GRAMD1C: variants seen among roughly 807,000 people sequenced by gnomAD.
The protein encoded by GRAMD1C is protein Aster-C.
A neutral mutation model predicts 97.8 loss-of-function variants in GRAMD1C; 89 were observed. The ratio of observed to expected loss-of-function variants is 0.91; its 90% CI spans 0.77 to 1.09. The LOEUF (loss-of-function observed/expected upper bound fraction) is 1.09. Among genes scored for constraint, GRAMD1C ranks in the 50% least tolerant of loss-of-function variants. GRAMD1C has a pLI of 0.00. For missense variants in GRAMD1C, 740 were observed against 766.4 expected (o/e 0.97, Z 0.41); for synonymous variants, 256 against 267.0 (o/e 0.96, Z 0.40).
At chr3:113,875,913 C>G (rs192214294) in intron 4 of GRAMD1C, 6 of 420,568 alleles carry the variant, frequency 1.4e-5, no homozygotes, top group Non-Finnish European at 2.5e-5. Context: ...GCATGAACAC[C>G]CACATGTCTT....
intron 3 of GRAMD1C, among the ~76,000 whole-genome samples, chr3:113,872,764 G>A (rs1213314283): frequency 6.6e-6 from 1 of 151,198 alleles, no homozygotes; most frequent in Admixed American, 6.6e-5. Flanking sequence ...ATCCATTTTA[G>A]GGAGTCCATT....
chr3:113,833,828 T>C (rs1357886015), upstream of GRAMD1C, among the ~76,000 whole-genome samples: 2 of 152,206 alleles, frequency 1.3e-5, no homozygotes, highest in Non-Finnish European at 2.9e-5. Context: ...CTGACAGCTC[T>C]TGCCACCTTT....
intron 2 of GRAMD1C, among the ~76,000 whole-genome samples, chr3:113,856,683 G>A (rs1336122168): frequency 6.6e-6 from 1 of 152,040 alleles, no homozygotes; most frequent in Non-Finnish European, 1.5e-5. Context: ...GGGATTACAG[G>A]CGCGTGCCAC....
chr3:113,938,119 C>A lies in GRAMD1C; in HGVS notation c.1667C>A (p.Thr556Asn). ...AAGGAAATGGAAAACTATAACGTCA[C>A]TCTTATTGTGGTAATGAGTATTTTG... ...KKKEMENYNVTLIVVMSIFVL... is the reference protein window; with the variant it reads ...KKKEMENYNVNLIVVMSIFVL... The change falls in exon 15 of 18, where the codon ACT becomes AAT. Residue 556 changes from threonine to asparagine, a missense_variant. Transcript: ENST00000358160. The A allele has an allele frequency of 6.5e-7, 1 of 1,530,398 alleles. No homozygotes were observed. Among genetic ancestry groups the A allele is most frequent in the Non-Finnish European group, 8.9e-7 (1 of 1,120,772 alleles). The allele number at this position is 1,530,398 out of a possible 1,614,324, so 94.8% of individuals were successfully genotyped here.
intron 9 of GRAMD1C, among the ~76,000 whole-genome samples, chr3:113,915,076 G>GA (rs1319250664): frequency 6.6e-6 from 1 of 152,092 alleles, no homozygotes; most frequent in Non-Finnish European, 1.5e-5. Context: ...CAAATTCCCA[G>GA]AAAAAATGTA....
chr3:113,891,862 G>A (rs1007985288), intron 6 of GRAMD1C, among the ~76,000 whole-genome samples: 8 of 151,850 alleles, frequency 5.3e-5, no homozygotes, highest in African/African-American at 1.5e-4. Context: ...ACTCCAGCCT[G>A]GTTGACAGAG....
intron 10 of GRAMD1C, among the ~76,000 whole-genome samples, chr3:113,920,885 T>C (rs1371907513): frequency 1.3e-5 from 2 of 152,180 alleles, no homozygotes; most frequent in Non-Finnish European, 2.9e-5. Context: ...TAAATCATTG[T>C]TTACAGTTAT....
rs144513077 is a variant in GRAMD1C, at chr3:113,907,832, A to G, written c.790-1126A>G. On this transcript the variant is annotated intron_variant, in intron 8 of 17. Transcript: ENST00000358160. ...AGGAAATAGAACTTAATTTGCAACA[A>G]GAGGAGACGTGTAAGTGTGGAGCTG... Among the ~76,000 whole-genome samples, 1,443 of 152,298 alleles carry G rather than the reference A, an allele frequency of 9.5e-3. 28 individuals are homozygous for G. The highest frequency in any genetic ancestry group is 0.041 in the Admixed American group (626 of 15,284).
intron 1 of GRAMD1C, among the ~76,000 whole-genome samples, chr3:113,831,738 T>C (rs1206768544): frequency 2.0e-5 from 3 of 150,800 alleles, no homozygotes; most frequent in African/African-American, 7.3e-5. Flanking sequence ...ATTTCAGTTA[T>C]TGTATTTTTC....
chr3:113,892,303 C>T (rs1935763335), intron 6 of GRAMD1C, among the ~76,000 whole-genome samples: 1 of 151,976 alleles, frequency 6.6e-6, no homozygotes, highest in Non-Finnish European at 1.5e-5. Context: ...GAAACCCTGT[C>T]TCTACTAAAA....
Position 113,936,265 on chromosome 3 carries a change from G to A in GRAMD1C, c.1457-1G>A. ...ATAAAGATTGTTTTTTTTTTTCTTA[G>A]AATCAGATTTGTTAATTGAAGAATC... On this transcript the variant is annotated splice_acceptor_variant, in intron 13 of 17. Transcript: ENST00000358160. LOFTEE classifies it high-confidence loss of function. 1.3e-6 allele frequency: 2 copies of A among 1,498,236 alleles called. No homozygotes were observed. Among genetic ancestry groups the A allele is most frequent in the Non-Finnish European group, 1.8e-6 (2 of 1,095,452 alleles). The allele number at this position is 1,498,236 out of a possible 1,614,324, so 92.8% of individuals were successfully genotyped here.
intron 9 of GRAMD1C, among the ~76,000 whole-genome samples, chr3:113,914,751 G>A (rs914648131): frequency 6.6e-6 from 1 of 151,522 alleles, no homozygotes; most frequent in Non-Finnish European, 1.5e-5. Context: ...TAGATGTTAA[G>A]TTTATGTGCT....
intron 9 of GRAMD1C, among the ~76,000 whole-genome samples, chr3:113,910,961 T>C (rs966202742): frequency 2.0e-5 from 3 of 152,068 alleles, no homozygotes; most frequent in African/African-American, 7.2e-5. Context: ...ATACTACAGA[T>C]TGGGTAGCTT....
At chr3:113,866,995 A>AT (rs1464146893) in intron 2 of GRAMD1C, among the ~76,000 whole-genome samples, 1 of 151,804 alleles carries the variant, frequency 6.6e-6, no homozygotes, top group Non-Finnish European at 1.5e-5. Flanking sequence ...TGCCTGGCTA[A>AT]TTTTTTTGTA....
intron 2 of GRAMD1C, among the ~76,000 whole-genome samples, chr3:113,864,596 C>T (rs1482447855): frequency 1.3e-5 from 2 of 152,130 alleles, no homozygotes; most frequent in Non-Finnish European, 2.9e-5. Flanking sequence ...TACAATGCCA[C>T]CAAGTTCTTT....
intron 1 of GRAMD1C, among the ~76,000 whole-genome samples, chr3:113,840,583 TAA>T (rs1031608671): frequency 1.4e-5 from 2 of 138,254 alleles, no homozygotes. Context: ...TCTACCAAAA[TAA>T]AAAAAAAAAA....
chr3:113,936,263 TAGAATCAGA>T lies in GRAMD1C; in HGVS notation c.1457-2_1463del, dbSNP rs1350567072. ...ATATAAAGATTGTTTTTTTTTTTCT[TAGAATCAGA>T]TTTGTTAATTGAAGAATCTGTATTA... On this transcript the variant is annotated splice_acceptor_variant and coding_sequence_variant, in exon 14 of 18. Coordinates refer to ENST00000358160, the MANE Select transcript of GRAMD1C (RefSeq NM_017577.5). LOFTEE classifies it high-confidence loss of function. 2 of 1,530,596 alleles carry T rather than the reference TAGAATCAGA, an allele frequency of 1.3e-6. No homozygotes were observed. The highest frequency in any genetic ancestry group is 1.4e-5 in the African/African-American group (1 of 72,060). 94.8% of individuals were successfully genotyped at this position (1,530,596 alleles called of 1,614,324 possible).
chr3:113,938,448 A>C (rs945001698), intron 15 of GRAMD1C: 4 of 211,830 alleles, frequency 1.9e-5, no homozygotes, highest in Non-Finnish European at 3.7e-5. Context: ...TTTAAAGGGA[A>C]TATTTATATA....
At chr3:113,889,772 G>A (rs549413887) in intron 6 of GRAMD1C, among the ~76,000 whole-genome samples, 1 of 152,022 alleles carries the variant, frequency 6.6e-6, no homozygotes, top group African/African-American at 2.4e-5. Context: ...CCGAGTAGCT[G>A]GGATTACAGG....
Sources: allele counts gnomAD v4.1 joint callset (sites outside exome capture counted in the v4.1 genomes callset), GRCh38; gene constraint gnomAD v4.1.1; transcripts MANE v1.5; gene names NCBI Gene and HGNC (gene_info 2026-07-23, HGNC 2026-07-21).